NMNAT2: variants seen among roughly 807,000 people sequenced by gnomAD.
The protein encoded by NMNAT2 is nicotinamide nucleotide adenylyltransferase 2.
A neutral mutation model predicts 41.6 loss-of-function variants in NMNAT2; 11 were observed. That is an observed-to-expected ratio of 0.26 (90% CI 0.17 to 0.44). The LOEUF (loss-of-function observed/expected upper bound fraction) is 0.44. NMNAT2 is among the 20% of genes least tolerant of loss of function. The pLI, the probability that NMNAT2 is intolerant of heterozygous loss-of-function variation, is 1.00. For missense variants in NMNAT2, 288 were observed against 407.7 expected (o/e 0.71, Z 2.53); for synonymous variants, 148 against 151.2 (o/e 0.98, Z 0.16).
At chr1:183,366,128 A>G (rs183447345) in intron 1 of NMNAT2, among the ~76,000 whole-genome samples, 1 of 152,228 alleles carries the variant, frequency 6.6e-6, no homozygotes, top group Non-Finnish European at 1.5e-5. Flanking sequence ...ATGGCTCCCA[A>G]TCTACTAACT....
chr1:183,278,696 C>T, intron 7 of NMNAT2, 67 bp from the exon 8 acceptor site: 2 of 1,114,352 alleles, frequency 1.8e-6, no homozygotes, highest in Non-Finnish European at 2.7e-6. Flanking sequence ...GACCCTCAGC[C>T]TTCTTCCCCT....
At chr1:183,357,118 C>T (rs1434499637) in intron 1 of NMNAT2, among the ~76,000 whole-genome samples, 1 of 150,084 alleles carries the variant, frequency 6.7e-6, no homozygotes, top group East Asian at 2.0e-4. Context: ...ATGTGGAGAA[C>T]GTTGGTGAGG....
At chr1:183,297,465 C>A (rs1327165801) in intron 1 of NMNAT2, among the ~76,000 whole-genome samples, 1 of 151,468 alleles carries the variant, frequency 6.6e-6, no homozygotes, top group Non-Finnish European at 1.5e-5. Context: ...TCAGCGCAAC[C>A]TCTGCCTCCC....
chr1:183,291,922 A>G (rs1263365961), intron 3 of NMNAT2, among the ~76,000 whole-genome samples: 16 of 152,108 alleles, frequency 1.1e-4, no homozygotes, highest in Admixed American at 1.0e-3. Context: ...ACAAATAGCA[A>G]GGATCACTGC....
intron 1 of NMNAT2, among the ~76,000 whole-genome samples, chr1:183,317,265 A>T (rs554099446): frequency 3.3e-4 from 50 of 152,294 alleles, no homozygotes; most frequent in African/African-American, 1.2e-3. Context: ...GCATACCCTG[A>T]GCCTGACTGA....
At chr1:183,296,956 C>T (rs553256544) in intron 1 of NMNAT2, among the ~76,000 whole-genome samples, 125 of 152,184 alleles carry the variant, frequency 8.2e-4, no homozygotes, top group Admixed American at 2.6e-3. Context: ...GACCTTCACA[C>T]TCCGCTCCTC....
Position 183,389,852 on chromosome 1 carries a change from G to GGGAA in NMNAT2, c.85+28330_85+28331insTTCC, listed in dbSNP as rs1553221556. Among the ~76,000 whole-genome samples the GGGAA allele has an allele frequency of 4.2e-5, 2 of 47,514 alleles. 1 individual carries two copies. The highest frequency in any genetic ancestry group is 3.1e-3 in the East Asian group (2 of 642). The allele number at this position is 47,514 out of a possible 152,430, so 31.2% of individuals were successfully genotyped here. A position where few individuals can be genotyped will look rare whatever the true frequency, so the allele number is the denominator to read the frequency against. On this transcript the variant is annotated intron_variant, in intron 1 of 10. Transcript: ENST00000287713. ...AGAAAGAAAGAAAGAAAGGAAAAAA[G>GGGAA]AGAAAGAAAGAAAGAAAGAAGGGAG... is the stretch of plus-strand genomic sequence containing the variant.
intron 1 of NMNAT2, among the ~76,000 whole-genome samples, chr1:183,335,007 A>T (rs1163287994): frequency 2.0e-5 from 3 of 152,222 alleles, no homozygotes; most frequent in Non-Finnish European, 4.4e-5. Context: ...AGATTAACAT[A>T]AAAATCTGAT....
At chr1:183,396,205 A>T (rs1468716545) in intron 1 of NMNAT2, among the ~76,000 whole-genome samples, 1 of 152,072 alleles carries the variant, frequency 6.6e-6, no homozygotes, top group Admixed American at 6.5e-5. Flanking sequence ...CCCTAACACA[A>T]TGCTGAGGGT....
intron 1 of NMNAT2, among the ~76,000 whole-genome samples, chr1:183,417,345 C>T (rs1649283688): frequency 6.6e-6 from 1 of 152,194 alleles, no homozygotes; most frequent in African/African-American, 2.4e-5. Flanking sequence ...CCCCAACACG[C>T]ACACGCATAT....
At chr1:183,260,009 T>C (rs143943941) in intron 10 of NMNAT2, among the ~76,000 whole-genome samples, 1 of 152,366 alleles carries the variant, frequency 6.6e-6, no homozygotes, top group Non-Finnish European at 1.5e-5. Flanking sequence ...ATTTCCACTT[T>C]GGGTTTGTGG....
chr1:183,357,781 T>G (rs767049100), intron 1 of NMNAT2, among the ~76,000 whole-genome samples: 1 of 152,218 alleles, frequency 6.6e-6, no homozygotes, highest in Non-Finnish European at 1.5e-5. Flanking sequence ...TTCATATGAT[T>G]GTTGGCCGCG....
chr1:183,253,333 T>C (rs1207954443), intron 10 of NMNAT2, among the ~76,000 whole-genome samples: 3 of 148,316 alleles, frequency 2.0e-5, no homozygotes, highest in South Asian at 2.1e-4. Flanking sequence ...TAAGTGTTAA[T>C]ATTATATTAT....
At chr1:183,410,342 AAAAT>A (rs928242802) in intron 1 of NMNAT2, among the ~76,000 whole-genome samples, 5 of 151,928 alleles carry the variant, frequency 3.3e-5, no homozygotes, top group Admixed American at 1.3e-4. Context: ...AAATAAATAA[AAAAT>A]AAATAAATAA....
At chr1:183,260,819 C>CAAAAAAAAAAAAAAAAAAAAA (rs35660466) in intron 10 of NMNAT2, among the ~76,000 whole-genome samples, 183 bp downstream of exon 10, 1 of 74,994 alleles carries the variant, frequency 1.3e-5, no homozygotes. Context: ...GACGCTGTCT[C>CAAAAAAAAAAAAAAAAAAAAA]AAAAAAAAAA....
intron 8 of NMNAT2, among the ~76,000 whole-genome samples, chr1:183,276,018 T>G (rs1011375326): frequency 3.3e-5 from 5 of 152,178 alleles, no homozygotes; most frequent in African/African-American, 1.2e-4. Context: ...CGGGGACTAG[T>G]TGGTCACCTG....
intron 1 of NMNAT2, among the ~76,000 whole-genome samples, chr1:183,375,467 G>C (rs1170882584): frequency 6.6e-6 from 1 of 152,188 alleles, no homozygotes; most frequent in Non-Finnish European, 1.5e-5. Flanking sequence ...TGCCCAGGCT[G>C]TTTCCTGTGG....
chr1:183,409,308 A>G (rs1649050455), intron 1 of NMNAT2, among the ~76,000 whole-genome samples: 2 of 152,070 alleles, frequency 1.3e-5, no homozygotes, highest in Non-Finnish European at 2.9e-5. Flanking sequence ...GTCATGGAGA[A>G]TGATATATTT....
At chr1:183,390,437 G>C (rs566441380) in intron 1 of NMNAT2, among the ~76,000 whole-genome samples, 1 of 152,170 alleles carries the variant, frequency 6.6e-6, no homozygotes, top group South Asian at 2.1e-4. Context: ...GTTTAACGCC[G>C]GGTATGCTAT....
Sources: gnomAD v4.1 joint callset for allele counts (sites outside exome capture counted in the v4.1 genomes callset) on GRCh38, gnomAD v4.1.1 for gene constraint, MANE v1.5 for transcripts, NCBI Gene and HGNC (gene_info 2026-07-23, HGNC 2026-07-21) for gene names.